The following ARHGEF10L variants were observed in gnomAD, a reference collection of about 807,000 sequenced individuals.
ARHGEF10L encodes rho guanine nucleotide exchange factor 10-like protein.
In ARHGEF10L, 69 loss-of-function variants were observed where a neutral mutation model predicts 141.2. That is an observed-to-expected ratio of 0.49 (90% CI 0.40 to 0.60). ARHGEF10L has a LOEUF of 0.60. ARHGEF10L is among the 20% of genes least tolerant of loss of function. ARHGEF10L has a pLI of 0.00. For missense variants in ARHGEF10L, 1,482 were observed against 1,734.3 expected, an observed-to-expected ratio of 0.85 and a Z score of 2.58; for synonymous variants, 711 against 718.5, an observed-to-expected ratio of 0.99 and a Z score of 0.17.
intron 7 of ARHGEF10L, among the ~76,000 whole-genome samples, chr1:17,610,987 G>C (rs2059519805): frequency 6.6e-6 from 1 of 151,204 alleles, no homozygotes; most frequent in Admixed American, 6.6e-5. Flanking sequence ...GGATTGCATT[G>C]AACTCTCCCA....
chr1:17,646,713 G>A (rs2061621840), intron 21 of ARHGEF10L, among the ~76,000 whole-genome samples: 1 of 152,088 alleles, frequency 6.6e-6, no homozygotes, highest in African/African-American at 2.4e-5. Flanking sequence ...GGAGACATGG[G>A]TGGTGCAGGC....
At position 17,603,472 on chromosome 1, in the gene ARHGEF10L, C is replaced by G. The variant is rs774448872; in HGVS notation, c.350-36C>G. On this transcript the variant is annotated intron_variant, in intron 5 of 28. Coordinates refer to ENST00000361221, the MANE Select transcript of ARHGEF10L (RefSeq NM_018125.4). The surrounding 1 kb of genome is among the most constrained non-coding windows in gnomAD (Gnocchi z 4.8). ...GCACCTCTGGCCAGGCTGCCACAGC[C>G]CACGGTGGTGCTCTCTCTCCCCACT... The G allele has an allele frequency of 6.3e-7, 1 of 1,583,234 alleles. No individual in the cohort carries two copies. Among genetic ancestry groups the G allele is most frequent in the Admixed American group, 1.7e-5 (1 of 59,314 alleles).
chr1:17,563,237 C>CT (rs55911525), intron 1 of ARHGEF10L, among the ~76,000 whole-genome samples: 6,919 of 142,560 alleles, frequency 0.049, 233 homozygotes, highest in South Asian at 0.12. Context: ...GAGCCCTTTT[C>CT]TTTTTTTTTT....
At chr1:17,659,449 G>A (rs2062471688) in intron 25 of ARHGEF10L, among the ~76,000 whole-genome samples, 1 of 152,184 alleles carries the variant, frequency 6.6e-6, no homozygotes, top group Non-Finnish European at 1.5e-5. Context: ...TCATCCACCT[G>A]GTCCGTGACC....
At chr1:17,685,966 A>G (rs570190456) in intron 26 of ARHGEF10L, among the ~76,000 whole-genome samples, 8 of 152,374 alleles carry the variant, frequency 5.3e-5, no homozygotes, top group African/African-American at 1.9e-4. Flanking sequence ...AGAAAACTGG[A>G]AAAGAGGAAA....
At chr1:17,629,740 C>T (rs1334572174) in intron 15 of ARHGEF10L, among the ~76,000 whole-genome samples, 5 of 152,098 alleles carry the variant, frequency 3.3e-5, no homozygotes, top group African/African-American at 9.7e-5. Context: ...TGGAATGTCT[C>T]GGGAGAAAAA....
At chr1:17,694,992 A>G (rs762283255) in intron 27 of ARHGEF10L, 166 bp from the exon 28 acceptor site, 2 of 977,126 alleles carry the variant, frequency 2.0e-6, no homozygotes, top group South Asian at 1.3e-5. Flanking sequence ...GCCAGACCCC[A>G]GGCAGGTCAG....
chr1:17,608,731 G>A (rs1233694583), intron 7 of ARHGEF10L, among the ~76,000 whole-genome samples: 2 of 152,062 alleles, frequency 1.3e-5, no homozygotes, highest in African/African-American at 4.8e-5. Flanking sequence ...CTTCTTACAG[G>A]CCCTGACTGA....
At chr1:17,643,602 C>T (rs187180426) in intron 21 of ARHGEF10L, among the ~76,000 whole-genome samples, 3 of 152,304 alleles carry the variant, frequency 2.0e-5, no homozygotes, top group African/African-American at 4.8e-5. Context: ...ATGTGGGTTC[C>T]GTTCCCAGCT....
chr1:17,661,744 C>T (rs1212707077), intron 25 of ARHGEF10L, among the ~76,000 whole-genome samples: 1 of 152,248 alleles, frequency 6.6e-6, no homozygotes, highest in Non-Finnish European at 1.5e-5. Flanking sequence ...ACACTACTCA[C>T]CTCTGGCCAC....
intron 2 of ARHGEF10L, among the ~76,000 whole-genome samples, chr1:17,585,407 G>C (rs1286605723): frequency 6.6e-6 from 1 of 152,214 alleles, no homozygotes; most frequent in Non-Finnish European, 1.5e-5. Flanking sequence ...CTGGGGCACA[G>C]CTCGGGATCT....
chr1:17,569,886 A>T (rs2077921821), intron 1 of ARHGEF10L, among the ~76,000 whole-genome samples: 1 of 152,096 alleles, frequency 6.6e-6, no homozygotes, highest in East Asian at 1.9e-4. Flanking sequence ...AAAATAGTCC[A>T]AGTCCTCCTC....
At chr1:17,661,222 C>A (rs547055151) in intron 25 of ARHGEF10L, among the ~76,000 whole-genome samples, 4 of 152,090 alleles carry the variant, frequency 2.6e-5, no homozygotes, top group Non-Finnish European at 4.4e-5. Flanking sequence ...GGATTACAGG[C>A]GCACACCACC....
chr1:17,664,299 CA>C (rs2062830275), intron 25 of ARHGEF10L, 147 bp from the exon 26 acceptor site: 8 of 888,348 alleles, frequency 9.0e-6, no homozygotes, highest in Non-Finnish European at 1.3e-5. Flanking sequence ...TGGGGACAGC[CA>C]CCACCCAGCT....
At chr1:17,574,147 C>T (rs916230371) in intron 1 of ARHGEF10L, among the ~76,000 whole-genome samples, 1 of 152,120 alleles carries the variant, frequency 6.6e-6, no homozygotes, top group Non-Finnish European at 1.5e-5. Context: ...ACTCCCCCTT[C>T]CACCCTGGGC....
At chr1:17,687,313 A>C (rs2064689623) in intron 26 of ARHGEF10L, among the ~76,000 whole-genome samples, 1 of 152,166 alleles carries the variant, frequency 6.6e-6, no homozygotes, top group Non-Finnish European at 1.5e-5. Context: ...CCACGTTAGA[A>C]TGTTTACACC....
At position 17,639,916 on chromosome 1, in the gene ARHGEF10L, T is replaced by C; in HGVS notation, c.2172-286T>C. 1 of 1,453,700 alleles carries C rather than the reference T, an allele frequency of 6.9e-7. No individual in the cohort carries two copies. 90.1% of individuals were successfully genotyped at this position (1,453,700 alleles called of 1,614,324 possible). On this transcript the variant is annotated intron_variant, in intron 20 of 28. Coordinates refer to ENST00000361221, the MANE Select transcript of ARHGEF10L (RefSeq NM_018125.4). This position sits in a 1 kb window ranked among gnomAD's most constrained non-coding sequence, Gnocchi z 4.3. The stretch of plus-strand genomic sequence containing the variant: ...GTGGAGTCACAGCCTGCAGAGGCTC[T>C]GCCGGGCACAAAGCCAGAGGCTCCT...
intron 4 of ARHGEF10L, among the ~76,000 whole-genome samples, chr1:17,589,501 C>T (rs527458061): frequency 6.6e-6 from 1 of 152,326 alleles, no homozygotes; most frequent in African/African-American, 2.4e-5. Flanking sequence ...GGGGCTAATT[C>T]TCAGGGTGGT....
At chr1:17,674,749 A>T (rs74061936) in intron 26 of ARHGEF10L, among the ~76,000 whole-genome samples, 3 of 152,098 alleles carry the variant, frequency 2.0e-5, no homozygotes, top group Non-Finnish European at 4.4e-5. Context: ...ATTACAATAC[A>T]GTATTTTACT....
Sources: gnomAD v4.1 joint callset for allele counts (sites outside exome capture counted in the v4.1 genomes callset) on GRCh38, gnomAD v4.1.1 for gene constraint, Gnocchi (gnomAD v3.1) non-coding constraint, MANE v1.5 for transcripts, NCBI Gene and HGNC (gene_info 2026-07-23, HGNC 2026-07-21) for gene names.